The following THTPA variants were observed in gnomAD, a reference collection of about 807,000 sequenced individuals.
The protein encoded by THTPA is thiamine-triphosphatase.
A neutral mutation model predicts 16.5 loss-of-function variants in THTPA; 16 were observed. That is an observed-to-expected ratio of 0.97 (90% CI 0.66 to 1.47). The LOEUF is 1.47. THTPA is among the 40% of genes most tolerant of loss of function. The pLI, the probability that THTPA is intolerant of heterozygous loss-of-function variation, is 0.00. For missense variants in THTPA, 281 were observed against 280.9 expected, an observed-to-expected ratio of 1.00 and a Z score of 0.00; for synonymous variants, 110 against 115.5, an observed-to-expected ratio of 0.95 and a Z score of 0.30.
At chr14:23,527,823 C>T in the THTPA span, 1 of 1,530,190 alleles carries the variant, frequency 6.5e-7, no homozygotes, top group Non-Finnish European at 8.7e-7. Context: ...AACATATGGG[C>T]AGTGGACGAA....
rs553285661 is a variant in THTPA at position 23,559,804 on chromosome 14, T to C, written c.*964T>C. The stretch of plus-strand genomic sequence containing the variant: ...CACCTCAAAGATCTCCTGCACCGAC[T>C]GGTGAAAGTGGTCGTAGGTGAGGCG... On this transcript the variant is annotated 3_prime_UTR_variant, in exon 2 of 2. Coordinates refer to ENST00000288014, the MANE Select transcript of THTPA (RefSeq NM_024328.6). The C allele has an allele frequency of 4.1e-5, 66 of 1,614,118 alleles. No homozygotes were observed. In the South Asian group the frequency reaches 6.5e-4, roughly 16 times the overall value.
chr14:23,539,270 G>A, the THTPA span, among the ~76,000 whole-genome samples: 4 of 152,206 alleles, frequency 2.6e-5, no homozygotes, highest in Non-Finnish European at 4.4e-5. Flanking sequence ...TTCTCAGGAT[G>A]AGAAAGGAAG....
the THTPA span, chr14:23,527,013 C>T: frequency 6.8e-7 from 1 of 1,468,916 alleles, no homozygotes; most frequent in Non-Finnish European, 9.0e-7. Flanking sequence ...CCACCACCCC[C>T]CACTGCCCCT....
the THTPA span, chr14:23,524,988 T>G: frequency 6.5e-7 from 1 of 1,536,230 alleles, no homozygotes; most frequent in Non-Finnish European, 8.7e-7. The surrounding 1 kb of genome is among the most constrained non-coding windows in gnomAD (Gnocchi z 5.6). Flanking sequence ...CAGGCATTTT[T>G]GCGTGCTTTC....
At chr14:23,524,852 G>T in the THTPA span, 2 of 1,536,632 alleles carry the variant, frequency 1.3e-6, no homozygotes, top group South Asian at 2.4e-5. The surrounding 1 kb of genome is among the most constrained non-coding windows in gnomAD (Gnocchi z 5.6). Flanking sequence ...CTCTTCAAGG[G>T]TCTGGTCATC....
chr14:23,524,457 G>A, the THTPA span: 1 of 1,535,486 alleles, frequency 6.5e-7, no homozygotes. The surrounding 1 kb of genome is among the most constrained non-coding windows in gnomAD (Gnocchi z 5.6). Context: ...CGTTTGAGAG[G>A]TGGACCTGGC....
the THTPA span, among the ~76,000 whole-genome samples, chr14:23,517,778 CCT>C: frequency 6.6e-6 from 1 of 152,104 alleles, no homozygotes; most frequent in African/African-American, 2.4e-5. Context: ...CTGCCATCCC[CCT>C]GTCCCCTCTT....
Position 23,556,701 on chromosome 14 carries a change from C to G in THTPA, c.-57C>G. The G allele has an allele frequency of 6.4e-7, 1 of 1,555,346 alleles. No individual in the cohort carries two copies. The highest frequency in any genetic ancestry group is 8.7e-7 in the Non-Finnish European group (1 of 1,150,916). ...GAGTTGACGCCCCAGGAGCTGAGCA[C>G]CAGGCTTTGCATCCTTGGGAACTCA... is the stretch of plus-strand genomic sequence containing the variant. On this transcript the variant is annotated 5_prime_UTR_variant, in exon 1 of 2. Coordinates refer to ENST00000288014, the MANE Select transcript of THTPA (RefSeq NM_024328.6).
At position 23,556,441 on chromosome 14, in the gene THTPA, A is replaced by ATCTC; in HGVS notation, c.-317_-316insTCTC. The ATCTC allele has an allele frequency of 9.3e-5, 29 of 310,432 alleles. No individual in the cohort carries two copies. The highest frequency in any genetic ancestry group is 5.9e-4 in the South Asian group (10 of 17,044). The allele number at this position is 310,432 out of a possible 1,614,324, so 19.2% of individuals were successfully genotyped here. A position where few individuals can be genotyped will look rare whatever the true frequency, so the allele number is the denominator to read the frequency against. On this transcript the variant is annotated 5_prime_UTR_variant, in exon 1 of 2. Coordinates refer to ENST00000288014, the MANE Select transcript of THTPA (RefSeq NM_024328.6). ...CCTCCTGGGGTGGCAAGGTGTAGAG[A>ATCTC]GGGGGGCGTTGAAAGGACACCCGCT...
At chr14:23,514,630 G>A in the THTPA span, 1 of 152,296 alleles carries the variant, frequency 6.6e-6, no homozygotes, top group Non-Finnish European at 1.5e-5. Context: ...GGGTCCTACT[G>A]CTTGGCACCC....
the THTPA span, among the ~76,000 whole-genome samples, chr14:23,550,662 C>T: frequency 6.6e-6 from 1 of 152,178 alleles, no homozygotes; most frequent in Non-Finnish European, 1.5e-5. Context: ...CTCAGAGGGG[C>T]AGACGAGCGG....
At chr14:23,522,096 C>T in the THTPA span, 1 of 1,535,680 alleles carries the variant, frequency 6.5e-7, no homozygotes, top group African/African-American at 1.4e-5. Context: ...ATGGGTGGGC[C>T]CCCTTGAGGT....
At chr14:23,534,092 G>T in the THTPA span, 1 of 1,500,254 alleles carries the variant, frequency 6.7e-7, no homozygotes, top group Non-Finnish European at 8.9e-7. The surrounding 1 kb of genome is among the most constrained non-coding windows in gnomAD (Gnocchi z 4.5). Flanking sequence ...GGGTCACTGG[G>T]GTCTTCGGGG....
intron 1 of THTPA, among the ~76,000 whole-genome samples, chr14:23,557,526 G>C (rs564051348): frequency 2.8e-4 from 43 of 152,312 alleles, no homozygotes; most frequent in African/African-American, 1.0e-3. Flanking sequence ...GTGAGCCTCT[G>C]TGCCTGGCCT....
chr14:23,534,402 G>C, the THTPA span: 1 of 1,536,852 alleles, frequency 6.5e-7, no homozygotes, highest in Non-Finnish European at 8.7e-7. The surrounding 1 kb of genome is among the most constrained non-coding windows in gnomAD (Gnocchi z 4.5). Flanking sequence ...CTGTGCTGCT[G>C]TTGTCAAGGG....
chr14:23,518,309 G>A, the THTPA span, among the ~76,000 whole-genome samples: 3 of 152,238 alleles, frequency 2.0e-5, no homozygotes, highest in Non-Finnish European at 2.9e-5. This position sits in a 1 kb window ranked among gnomAD's most constrained non-coding sequence, Gnocchi z 4.5. Context: ...AGCCCTGAGA[G>A]TGGTTAAGAA....
intron 1 of THTPA, among the ~76,000 whole-genome samples, chr14:23,557,823 G>A (rs754067066): frequency 1.3e-5 from 2 of 152,066 alleles, no homozygotes; most frequent in African/African-American, 4.8e-5. Context: ...TACAAAAGCT[G>A]CCCTCTGGGA....
At chr14:23,515,933 C>A in the THTPA span, among the ~76,000 whole-genome samples, 1 of 152,084 alleles carries the variant, frequency 6.6e-6, no homozygotes, top group East Asian at 1.9e-4. Context: ...GAGCAGAAGA[C>A]CATGGTCAGT....
At chr14:23,525,928 A>C in the THTPA span, 1 of 1,368,426 alleles carries the variant, frequency 7.3e-7, no homozygotes, top group East Asian at 2.7e-5. The surrounding 1 kb of genome is among the most constrained non-coding windows in gnomAD (Gnocchi z 5.9). Context: ...GGGTGAAGAG[A>C]GGGGCTGGGA....
Sources: gnomAD v4.1 joint callset for allele counts (sites outside exome capture counted in the v4.1 genomes callset) on GRCh38, gnomAD v4.1.1 for gene constraint, Gnocchi (gnomAD v3.1) non-coding constraint, MANE v1.5 for transcripts, NCBI Gene and HGNC (gene_info 2026-07-23, HGNC 2026-07-21) for gene names.